CADPS: variants seen among roughly 807,000 people sequenced by gnomAD.
CADPS encodes calcium dependent secretion activator, also known as calcium-dependent secretion activator 1.
In CADPS, 57 loss-of-function variants were observed where a neutral mutation model predicts 167.3. That is an observed-to-expected ratio of 0.34 (90% CI 0.28 to 0.42). The LOEUF (loss-of-function observed/expected upper bound fraction) is 0.42, where lower values mean the gene tolerates loss of function less well. CADPS is among the 20% of genes least tolerant of loss of function. The pLI, the probability that CADPS is intolerant of heterozygous loss-of-function variation, is 1.00. For synonymous variants in CADPS, 676 were observed against 635.3 expected (o/e 1.06, Z -0.96); for missense variants, 1,414 against 1,738.1 (o/e 0.81, Z 3.32).
At position 62,576,721 on chromosome 3, in the gene CADPS, C is replaced by T. The variant is rs577199999; in HGVS notation, c.1578-5783G>A. Among the ~76,000 whole-genome samples, 434 of 125,474 alleles carry T rather than the reference C, an allele frequency of 3.5e-3. 7 individuals are homozygous for T. The highest frequency in any genetic ancestry group is 3.2e-3 in the Non-Finnish European group (206 of 63,428). The allele number at this position is 125,474 out of a possible 152,430, so 82.3% of individuals were successfully genotyped here. ...TACGAGAATCAGTTGAACCTGGAAA[C>T]GGAGGTTGCAGTGAGCTGAGATCAC... is the stretch of plus-strand genomic sequence containing the variant. On this transcript the variant is annotated intron_variant, in intron 8 of 29. Coordinates refer to ENST00000383710, the MANE Select transcript of CADPS (RefSeq NM_003716.4).
intron 3 of CADPS, among the ~76,000 whole-genome samples, chr3:62,733,177 G>C (rs1004332217): frequency 2.0e-5 from 3 of 151,848 alleles, no homozygotes; most frequent in African/African-American, 7.3e-5. Context: ...GTATGCGTTT[G>C]ATCACAGTTG....
At chr3:62,536,681 G>A (rs954315174) in intron 11 of CADPS, 100 bp from the exon 12 acceptor site, 10 of 1,223,574 alleles carry the variant, frequency 8.2e-6, no homozygotes, top group African/African-American at 7.5e-5. Flanking sequence ...CATTATGAAC[G>A]TTAGCTGTTT....
chr3:62,434,057 T>C (rs2054499741), intron 28 of CADPS, among the ~76,000 whole-genome samples: 1 of 152,216 alleles, frequency 6.6e-6, no homozygotes, highest in Admixed American at 6.5e-5. Flanking sequence ...AGCAATAATT[T>C]TCAAGAAGGC....
rs140279854 is a variant in CADPS at position 62,733,108 on chromosome 3, A to C, written c.888+20333T>G. 1.5e-3 allele frequency among the ~76,000 whole-genome samples: 228 copies of C among 152,376 alleles called. 1 individual carries two copies. The highest frequency in any genetic ancestry group is 5.3e-3 in the African/African-American group (220 of 41,598). ...GAGTTCTGTGACAAAGATTAAGCAT[A>C]CTTCCAATTAACTTTCATAAACCAG... On this transcript the variant is annotated intron_variant, in intron 3 of 29. Transcript: ENST00000383710.
chr3:62,785,285 G>GCCAGTGA, intron 1 of CADPS, among the ~76,000 whole-genome samples: 1 of 152,270 alleles, frequency 6.6e-6, no homozygotes, highest in Middle Eastern at 3.4e-3. Flanking sequence ...GGCAGGGAAT[G>GCCAGTGA]CCAGTGACCA....
At chr3:62,704,962 G>T (rs927118179) in intron 3 of CADPS, among the ~76,000 whole-genome samples, 2 of 152,106 alleles carry the variant, frequency 1.3e-5, no homozygotes, top group African/African-American at 2.4e-5. Flanking sequence ...AAAGTGGAAA[G>T]ATCAAGTGCA....
At chr3:62,849,319 T>C (rs1272660003) in intron 1 of CADPS, among the ~76,000 whole-genome samples, 2 of 145,368 alleles carry the variant, frequency 1.4e-5, no homozygotes, top group Non-Finnish European at 3.0e-5. Context: ...CTATGTTGAA[T>C]AGGAGTGGTG....
chr3:62,473,904 G>A (rs576776760), intron 24 of CADPS: 5 of 316,476 alleles, frequency 1.6e-5, no homozygotes, highest in Admixed American at 4.8e-5. Flanking sequence ...AAATAAGGTC[G>A]TCAAACTTCA....
intron 11 of CADPS, among the ~76,000 whole-genome samples, chr3:62,540,660 T>G (rs1233940733): frequency 6.6e-6 from 1 of 152,174 alleles, no homozygotes; most frequent in African/African-American, 2.4e-5. Flanking sequence ...TAGGACCATA[T>G]GCATTACATA....
intron 3 of CADPS, among the ~76,000 whole-genome samples, chr3:62,748,654 C>A (rs1352881783): frequency 6.6e-6 from 1 of 152,124 alleles, no homozygotes; most frequent in East Asian, 1.9e-4. Context: ...AGATGGAAAG[C>A]AGGTCTGTCT....
chr3:62,874,813 C>T lies in CADPS; in HGVS notation c.217G>A (p.Gly73Ser). Residue 73 changes from glycine to serine, a missense_variant, in exon 1 of 30, where the codon GGC (glycine) becomes AGC (serine). By Grantham distance (56) the Gly-to-Ser change is moderately conservative (BLOSUM62 0). This residue lies in a region of CADPS where 522 missense variants were observed against 559.5 expected (regional missense o/e 0.93). Coordinates refer to ENST00000383710, the MANE Select transcript of CADPS (RefSeq NM_003716.4). This position sits in a 1 kb window ranked among gnomAD's most constrained non-coding sequence, Gnocchi z 7.1. Reference sequence around the variant, plus strand: ...CTGGGTTGCAGCCCCCCGGCCCCGCCGCCGCTGCTCGCGCCGCTGCCCCCG... The same window carrying T: ...CTGGGTTGCAGCCCCCCGGCCCCGCTGCCGCTGCTCGCGCCGCTGCCCCCG... ...GGGGSGASSG[G>S]GAGGLQPSSR... 9.2e-7 allele frequency: 1 copy of T among 1,091,802 alleles called. No homozygotes were observed. Among genetic ancestry groups the T allele is most frequent in the Non-Finnish European group, 1.1e-6 (1 of 882,192 alleles). 67.6% of individuals were successfully genotyped at this position (1,091,802 alleles called of 1,614,324 possible). A position where few individuals can be genotyped will look rare whatever the true frequency, so the allele number is the denominator to read the frequency against.
At chr3:62,526,498 A>C (rs1461097444) in intron 13 of CADPS, among the ~76,000 whole-genome samples, 3 of 152,194 alleles carry the variant, frequency 2.0e-5, no homozygotes, top group Non-Finnish European at 4.4e-5. Context: ...CGCAACTTGC[A>C]ATCATCAGAG....
chr3:62,796,690 A>C (rs1369940786), intron 1 of CADPS, among the ~76,000 whole-genome samples: 1 of 152,160 alleles, frequency 6.6e-6, no homozygotes, highest in Non-Finnish European at 1.5e-5. Context: ...ATTGGAAACC[A>C]TTTCTGATTC....
intron 10 of CADPS, among the ~76,000 whole-genome samples, chr3:62,550,370 G>A (rs2077129906): frequency 6.6e-6 from 1 of 151,814 alleles, no homozygotes; most frequent in African/African-American, 2.4e-5. Flanking sequence ...TGCCTGCTTG[G>A]GGGATAAACA....
At chr3:62,684,420 T>C (rs1230954243) in intron 3 of CADPS, among the ~76,000 whole-genome samples, 1 of 151,916 alleles carries the variant, frequency 6.6e-6, no homozygotes, top group Non-Finnish European at 1.5e-5. Context: ...ACCCCAGCCG[T>C]AGAATCAGCC....
intron 28 of CADPS, among the ~76,000 whole-genome samples, chr3:62,436,923 AAAGCAT>A (rs1209217542): frequency 2.0e-5 from 3 of 152,144 alleles, no homozygotes; most frequent in Non-Finnish European, 4.4e-5. Flanking sequence ...GCTGGAAGTC[AAAGCAT>A]ATAAAAGTCA....
chr3:62,792,223 G>C (rs1164701064), intron 1 of CADPS, among the ~76,000 whole-genome samples: 1 of 150,722 alleles, frequency 6.6e-6, no homozygotes, highest in African/African-American at 2.4e-5. Flanking sequence ...TTTGAGATAG[G>C]GTCTTGCTCT....
intron 17 of CADPS, among the ~76,000 whole-genome samples, chr3:62,506,383 G>A (rs184112289): frequency 2.1e-4 from 32 of 152,026 alleles, no homozygotes; most frequent in African/African-American, 7.0e-4. Flanking sequence ...GCAAGACTCC[G>A]TCTCAAAAAA....
intron 8 of CADPS, among the ~76,000 whole-genome samples, chr3:62,572,912 C>T (rs2081551886): frequency 2.0e-5 from 3 of 152,030 alleles, no homozygotes; most frequent in South Asian, 4.1e-4. Flanking sequence ...GATGGAGTTG[C>T]ACTCCGTCAC....
Sources: gnomAD v4.1 joint callset for allele counts (sites outside exome capture counted in the v4.1 genomes callset) on GRCh38, gnomAD v4.1.1 for gene constraint, gnomAD v4.1.1 regional missense constraint, Gnocchi (gnomAD v3.1) non-coding constraint, MANE v1.5 for transcripts, NCBI Gene and HGNC (gene_info 2026-07-23, HGNC 2026-07-21) for gene names.